The following SNX2 variants were observed in gnomAD, a reference collection of about 807,000 sequenced individuals.
The protein encoded by SNX2 is sorting nexin 2.
SNX2 carries 25 observed loss-of-function variants against 69.9 expected under a neutral mutation model. That is an observed-to-expected ratio of 0.36 (90% CI 0.26 to 0.50). The LOEUF (loss-of-function observed/expected upper bound fraction) is 0.50, where lower values mean the gene tolerates loss of function less well. Ranked by LOEUF, SNX2 falls within the 20% of genes least tolerant of loss-of-function variation. SNX2 has a pLI of 0.97. For missense variants in SNX2, 551 were observed against 613.3 expected (o/e 0.90, Z 1.07); for synonymous variants, 229 against 200.4 (o/e 1.14, Z -1.20).
At chr5:122,780,859 C>T (rs934925835) in intron 1 of SNX2, among the ~76,000 whole-genome samples, 6 of 152,150 alleles carry the variant, frequency 3.9e-5, no homozygotes, top group African/African-American at 9.7e-5. Flanking sequence ...TGAGCCACCA[C>T]GCACAGCCTT....
At chr5:122,784,109 C>T (rs1753031360) in intron 1 of SNX2, among the ~76,000 whole-genome samples, 1 of 151,824 alleles carries the variant, frequency 6.6e-6, no homozygotes, top group Non-Finnish European at 1.5e-5. Flanking sequence ...GTTCTAAACA[C>T]TTACTAGGTT....
chr5:122,780,570 TCTTTTC>T (rs1335851488), intron 1 of SNX2, among the ~76,000 whole-genome samples: 22 of 137,008 alleles, frequency 1.6e-4, no homozygotes, highest in African/African-American at 5.9e-4. Context: ...TCTTTTCTTT[TCTTTTC>T]TTTTTTTTTT....
chr5:122,784,071 T>C (rs1753030588), intron 1 of SNX2, among the ~76,000 whole-genome samples: 1 of 152,028 alleles, frequency 6.6e-6, no homozygotes, highest in Non-Finnish European at 1.5e-5. Flanking sequence ...CCCCTTTGGT[T>C]GCATGTTGAC....
At chr5:122,778,892 T>G (rs1236674449) in intron 1 of SNX2, among the ~76,000 whole-genome samples, 5 of 152,008 alleles carry the variant, frequency 3.3e-5, no homozygotes, top group Non-Finnish European at 4.4e-5. Flanking sequence ...GTTTCTTTTG[T>G]GACTGTGAAA....
chr5:122,817,115 A>G (rs1753916959), intron 9 of SNX2, 87 bp downstream of exon 9: 1 of 1,157,070 alleles, frequency 8.6e-7, no homozygotes, highest in Non-Finnish European at 1.3e-6. Context: ...GGAAAATAGG[A>G]TATTAATTTG....
chr5:122,801,741 G>T, intron 3 of SNX2, 128 bp from the exon 4 acceptor site: 68 of 503,362 alleles, frequency 1.4e-4, no homozygotes, highest in East Asian at 2.2e-4. Flanking sequence ...TTTCAAAAAT[G>T]AAGTGCTGGG....
intron 1 of SNX2, among the ~76,000 whole-genome samples, chr5:122,787,624 A>T (rs564756265): frequency 2.6e-5 from 4 of 152,152 alleles, no homozygotes; most frequent in Non-Finnish European, 4.4e-5. Context: ...TGGATTCCTC[A>T]TAGCCTCTCC....
intron 10 of SNX2, 66 bp from the exon 11 acceptor site, chr5:122,818,752 A>G: frequency 1.5e-6 from 2 of 1,331,658 alleles, no homozygotes; most frequent in Non-Finnish European, 1.0e-6. Flanking sequence ...AAGTGGAAAA[A>G]TCAATACAAT....
Position 122,830,324 on chromosome 5 carries a change from G to A in SNX2, c.*676G>A, listed in dbSNP as rs1581651537. Among the ~76,000 whole-genome samples the A allele has an allele frequency of 6.6e-6, 1 of 151,944 alleles. No homozygotes were observed. The highest frequency in any genetic ancestry group is 6.6e-5 in the Admixed American group (1 of 15,244). On this transcript the variant is annotated 3_prime_UTR_variant, in exon 15 of 15. Coordinates refer to ENST00000379516, the MANE Select transcript of SNX2 (RefSeq NM_003100.4). ...GAACATTTGACTCTTGATTGTCTTGGGTAAAGAAGAGAATAATTGTCTTTG... is the reference window on the plus strand; with the variant it reads ...GAACATTTGACTCTTGATTGTCTTGAGTAAAGAAGAGAATAATTGTCTTTG...
intron 6 of SNX2, among the ~76,000 whole-genome samples, chr5:122,806,516 AAG>A (rs1294517723): frequency 6.6e-6 from 1 of 152,212 alleles, no homozygotes; most frequent in African/African-American, 2.4e-5. Flanking sequence ...TAGTTGACCT[AAG>A]AAGACTATTC....
Position 122,829,779 on chromosome 5 carries a change from CACACA to C in SNX2, c.*132_*136del. The C allele has an allele frequency of 1.2e-5, 1 of 84,274 alleles. No individual in the cohort carries two copies. The highest frequency in any genetic ancestry group is 1.9e-5 in the Non-Finnish European group (1 of 53,258). 5.2% of individuals were successfully genotyped at this position (84,274 alleles called of 1,614,324 possible). ...TGAATTACATGTGGTTTTATATACA[CACACA>C]CACACACACACACACACACACACAC... On this transcript the variant is annotated 3_prime_UTR_variant, in exon 15 of 15. Transcript: ENST00000379516.
intron 7 of SNX2, 181 bp downstream of exon 7, chr5:122,808,536 A>G: frequency 2.1e-6 from 1 of 470,182 alleles, no homozygotes; most frequent in East Asian, 3.4e-5. Flanking sequence ...GTACTGTATA[A>G]TTGTTCTGTA....
At chr5:122,801,455 A>G (rs1473039366) in intron 3 of SNX2, among the ~76,000 whole-genome samples, 1 of 151,850 alleles carries the variant, frequency 6.6e-6, no homozygotes, top group Non-Finnish European at 1.5e-5. Flanking sequence ...AAATACAAAA[A>G]TCACCTGGGT....
chr5:122,792,482 G>A (rs1197266384), intron 1 of SNX2, among the ~76,000 whole-genome samples: 12 of 151,714 alleles, frequency 7.9e-5, no homozygotes, highest in African/African-American at 1.2e-4. Context: ...CTGTGGTCCC[G>A]GCTACTTGGG....
In SNX2 at chr5:122,827,651, G is replaced by GCC. The variant is rs1425924656; in HGVS notation, c.1509+6_1509+7dup. The GCC allele has an allele frequency of 6.2e-7, 1 of 1,601,148 alleles. No homozygotes were observed. Among genetic ancestry groups the GCC allele is most frequent in the Non-Finnish European group, 8.5e-7 (1 of 1,171,666 alleles). On this transcript the variant is annotated splice_donor_region_variant and intron_variant, in intron 14 of 14. Transcript: ENST00000379516. ...CTAGTTCAAACACAACAACAGGTAA[G>GCC]CCATTTTTGTTTATAACTTAAACTT...
At chr5:122,805,004 A>G (rs1753604053) in intron 6 of SNX2, among the ~76,000 whole-genome samples, 1 of 151,940 alleles carries the variant, frequency 6.6e-6, no homozygotes, top group African/African-American at 2.4e-5. Context: ...CAGTGGTGTG[A>G]GCTCGGCTCC....
At position 122,829,921 on chromosome 5, in the gene SNX2, C is replaced by G. The variant is rs1754247764; in HGVS notation, c.*273C>G. On this transcript the variant is annotated 3_prime_UTR_variant, in exon 15 of 15. Coordinates refer to ENST00000379516, the MANE Select transcript of SNX2 (RefSeq NM_003100.4). Reference sequence around the variant, plus strand: ...ATTGAACACTATTGTGTCTTAAATACTTGCACTAAATAGTGCACTGCAAGA... The same window carrying G: ...ATTGAACACTATTGTGTCTTAAATAGTTGCACTAAATAGTGCACTGCAAGA... 2.2e-6 allele frequency: 1 copy of G among 462,436 alleles called. No homozygotes were observed. Among genetic ancestry groups the G allele is most frequent in the Non-Finnish European group, 3.9e-6 (1 of 254,162 alleles). 28.6% of individuals were successfully genotyped at this position (462,436 alleles called of 1,614,324 possible). A position where few individuals can be genotyped will look rare whatever the true frequency, so the allele number is the denominator to read the frequency against.
intron 2 of SNX2, 37 bp from the exon 3 acceptor site, chr5:122,799,655 C>A: frequency 1.3e-6 from 2 of 1,545,132 alleles, no homozygotes; most frequent in Non-Finnish European, 1.8e-6. Flanking sequence ...GGTTTGCTTG[C>A]CAGTGTTCTT....
chr5:122,784,342 GTTT>G (rs937925224), intron 1 of SNX2, among the ~76,000 whole-genome samples: 3 of 146,772 alleles, frequency 2.0e-5, no homozygotes, highest in South Asian at 2.1e-4. Context: ...AAGGTTTTTT[GTTT>G]TTTTTAATGA....
Sources: allele counts gnomAD v4.1 joint callset (sites outside exome capture counted in the v4.1 genomes callset), GRCh38; gene constraint gnomAD v4.1.1; transcripts MANE v1.5; gene names NCBI Gene and HGNC (gene_info 2026-07-23, HGNC 2026-07-21).